The following FMN2 variants were observed in gnomAD, a reference collection of about 807,000 sequenced individuals.
The protein encoded by FMN2 is formin-2.
In FMN2, 51 loss-of-function variants were observed where a neutral mutation model predicts 142.3. That is an observed-to-expected ratio of 0.36 (90% CI 0.29 to 0.45). The LOEUF is 0.45. Ranked by LOEUF, FMN2 falls within the 20% of genes least tolerant of loss-of-function variation. The probability of loss-of-function intolerance (pLI) is 1.00; values close to 1 mark genes in which losing one functional copy is unlikely to be tolerated. For synonymous variants in FMN2, 882 were observed against 869.8 expected (o/e 1.01, Z -0.25); for missense variants, 1,936 against 2,122.8 (o/e 0.91, Z 1.73).
At chr1:240,143,804 A>G in intron 2 of FMN2, 3 of 1,522,640 alleles carry the variant, frequency 2.0e-6, no homozygotes, top group Non-Finnish European at 2.7e-6. Flanking sequence ...CCCCACTGCT[A>G]TCATTCCACA....
At chr1:240,277,054 A>G (rs1669239552) in intron 7 of FMN2, among the ~76,000 whole-genome samples, 1 of 152,208 alleles carries the variant, frequency 6.6e-6, no homozygotes, top group Admixed American at 6.5e-5. Context: ...TGTTTCTTCC[A>G]TACAGAGGAA....
chr1:240,399,711 T>A (rs1673907460), intron 15 of FMN2, among the ~76,000 whole-genome samples: 1 of 152,140 alleles, frequency 6.6e-6, no homozygotes, highest in Non-Finnish European at 1.5e-5. Context: ...ACTTCCTTAC[T>A]TAAAGGGCAG....
At chr1:240,095,721 T>C (rs1435433992) in intron 1 of FMN2, among the ~76,000 whole-genome samples, 4 of 151,992 alleles carry the variant, frequency 2.6e-5, no homozygotes, top group Non-Finnish European at 5.9e-5. Flanking sequence ...CCTAAATAGG[T>C]TGAATGTTTG....
At chr1:240,437,503 C>T (rs559731771) in intron 15 of FMN2, among the ~76,000 whole-genome samples, 102 of 151,932 alleles carry the variant, frequency 6.7e-4, no homozygotes, top group Admixed American at 2.4e-3. Context: ...AGGGTTTCAC[C>T]GTGTTAGCCA....
chr1:240,124,815 G>A (rs745764049), intron 2 of FMN2, among the ~76,000 whole-genome samples: 10 of 151,972 alleles, frequency 6.6e-5, no homozygotes, highest in Non-Finnish European at 8.8e-5. Flanking sequence ...TTACAGGTGC[G>A]CACCACTATG....
intron 8 of FMN2, among the ~76,000 whole-genome samples, chr1:240,304,892 T>C (rs1670328284): frequency 6.6e-6 from 1 of 152,202 alleles, no homozygotes; most frequent in African/African-American, 2.4e-5. Flanking sequence ...TAAAATTAAC[T>C]GTAATTTAAG....
rs1056041787 is a variant in FMN2, at chr1:240,178,153, T to C, written c.1930+85T>C. 1.9e-5 allele frequency: 26 copies of C among 1,347,994 alleles called. No individual in the cohort carries two copies. In the African/African-American group the frequency reaches 3.6e-4, roughly 19 times the overall value. The allele number at this position is 1,347,994 out of a possible 1,614,324, so 83.5% of individuals were successfully genotyped here. On this transcript the variant is annotated intron_variant, in intron 3 of 17. Transcript: ENST00000319653. ...TTTATTAAATCTTAGTTTTAAGTAATCTTTTATTTTTAATTGCATGGCATT... is the reference window on the plus strand; with the variant it reads ...TTTATTAAATCTTAGTTTTAAGTAACCTTTTATTTTTAATTGCATGGCATT...
chr1:240,323,643 T>A (rs1671056721), intron 8 of FMN2, among the ~76,000 whole-genome samples: 1 of 152,240 alleles, frequency 6.6e-6, no homozygotes, highest in Non-Finnish European at 1.5e-5. Flanking sequence ...ATCAAAATCC[T>A]CTGTGTCCTT....
chr1:240,438,494 G>GT (rs1449789771), intron 16 of FMN2, among the ~76,000 whole-genome samples: 1 of 152,144 alleles, frequency 6.6e-6, no homozygotes, highest in Admixed American at 6.5e-5. Context: ...AAGTGACCAC[G>GT]TAAGAAGGCT....
chr1:240,101,588 G>T (rs923742212), intron 1 of FMN2, among the ~76,000 whole-genome samples: 1 of 151,892 alleles, frequency 6.6e-6, no homozygotes, highest in East Asian at 1.9e-4. Flanking sequence ...AAGCGGGAGC[G>T]CAGTGGTGTG....
chr1:240,412,280 A>G (rs1674423883), intron 15 of FMN2, among the ~76,000 whole-genome samples: 1 of 152,178 alleles, frequency 6.6e-6, no homozygotes, highest in Non-Finnish European at 1.5e-5. Context: ...CTTAACAAAA[A>G]TTGTTTTATT....
At chr1:240,222,623 A>G (rs940666412) in intron 6 of FMN2, among the ~76,000 whole-genome samples, 7 of 152,078 alleles carry the variant, frequency 4.6e-5, no homozygotes, top group African/African-American at 1.7e-4. Flanking sequence ...CCTATCCATG[A>G]GCATGGAATG....
intron 13 of FMN2, among the ~76,000 whole-genome samples, chr1:240,337,016 G>A (rs912164455): frequency 2.0e-5 from 3 of 151,782 alleles, no homozygotes; most frequent in Admixed American, 6.6e-5. Context: ...GTAGAATTTC[G>A]TATCAACAAC....
chr1:240,144,656 G>T, intron 2 of FMN2: 1 of 1,291,636 alleles, frequency 7.7e-7, no homozygotes, highest in Non-Finnish European at 1.1e-6. Flanking sequence ...CTCAGGCTCA[G>T]ACACATAATT....
At chr1:240,141,592 A>T (rs999516932) in intron 2 of FMN2, among the ~76,000 whole-genome samples, 1 of 151,374 alleles carries the variant, frequency 6.6e-6, no homozygotes, top group African/African-American at 2.4e-5. Flanking sequence ...ATGGTCTTGA[A>T]CTCCTGACCT....
intron 7 of FMN2, among the ~76,000 whole-genome samples, chr1:240,292,298 A>G (rs1394919295): frequency 1.3e-5 from 2 of 152,202 alleles, no homozygotes; most frequent in Non-Finnish European, 2.9e-5. Context: ...TACATAAATA[A>G]GTAAGTAGGT....
chr1:240,189,236 T>G (rs1665608412), intron 4 of FMN2, among the ~76,000 whole-genome samples: 1 of 151,698 alleles, frequency 6.6e-6, no homozygotes, highest in Admixed American at 6.6e-5. Context: ...TAGCAATTGC[T>G]CTTTTGGATA....
chr1:240,291,874 G>T (rs1488970714), intron 7 of FMN2, among the ~76,000 whole-genome samples: 2 of 152,162 alleles, frequency 1.3e-5, no homozygotes, highest in Non-Finnish European at 2.9e-5. Context: ...TATGTGAAAA[G>T]TTGGCATGGG....
intron 8 of FMN2, among the ~76,000 whole-genome samples, chr1:240,328,165 A>AG (rs1671247062): frequency 3.3e-5 from 5 of 149,472 alleles, no homozygotes; most frequent in African/African-American, 9.8e-5. Context: ...AAAAAAAAAA[A>AG]AAAAAAAGAA....
Sources: gnomAD v4.1 joint callset for allele counts (sites outside exome capture counted in the v4.1 genomes callset) on GRCh38, gnomAD v4.1.1 for gene constraint, MANE v1.5 for transcripts, NCBI Gene and HGNC (gene_info 2026-07-23, HGNC 2026-07-21) for gene names.